Variants in AFDN observed in about 807,000 individuals in gnomAD.
AFDN encodes the protein afadin.
AFDN carries 68 observed loss-of-function variants against 216.6 expected under a neutral mutation model. The observed-to-expected ratio is 0.31, with a 90% CI of 0.26 to 0.38. The LOEUF is 0.38. Among genes scored for constraint, AFDN ranks in the 10% least tolerant of loss-of-function variants. AFDN has a pLI of 1.00. For synonymous variants in AFDN, 868 were observed against 853.7 expected (o/e 1.02, Z -0.29); for missense variants, 2,136 against 2,342.0 (o/e 0.91, Z 1.82).
chr6:167,849,987 G>C (rs1223594124), intron 1 of AFDN, among the ~76,000 whole-genome samples: 1 of 152,024 alleles, frequency 6.6e-6, no homozygotes, highest in Non-Finnish European at 1.5e-5. Context: ...TTTTTCTCAT[G>C]CCTGGTACTA....
At chr6:167,891,408 G>GGTGTGTGTGTGTGTGT (rs71004178) in intron 8 of AFDN, among the ~76,000 whole-genome samples, 2 of 72,094 alleles carry the variant, frequency 2.8e-5, no homozygotes, top group South Asian at 3.4e-4. Flanking sequence ...TAAAGGGGTG[G>GGTGTGTGTGTGTGTGT]GTGTGTGTGT....
chr6:167,952,433 T>C, intron 30 of AFDN: 2 of 985,398 alleles, frequency 2.0e-6, no homozygotes, highest in South Asian at 9.4e-5. Flanking sequence ...ACTTGATTGT[T>C]TTCATTAGCA....
At chr6:167,924,096 T>TA (rs534001758) in intron 22 of AFDN, among the ~76,000 whole-genome samples, 18 of 148,202 alleles carry the variant, frequency 1.2e-4, no homozygotes, top group Admixed American at 2.0e-4. Context: ...GGTTTTGATT[T>TA]AAAAAAAAAA....
Position 167,880,350 on chromosome 6 carries a change from GT to G in AFDN, c.740-4del, listed in dbSNP as rs374729645. On this transcript the variant is annotated splice_polypyrimidine_tract_variant and intron_variant, in intron 5 of 33. Coordinates refer to ENST00000683244, the MANE Select transcript of AFDN (RefSeq NM_001386888.1). ...AAGTTGTACTCAAAGATGTCAAAAT[GT>G]TTTTTCAGGTGGAACATTGAGAATT... 1 of 1,609,092 alleles carries G rather than the reference GT, an allele frequency of 6.2e-7. No individual in the cohort carries two copies. The highest frequency in any genetic ancestry group is 1.7e-5 in the Admixed American group (1 of 59,538).
chr6:167,869,226 G>C (rs1320887217), intron 2 of AFDN, among the ~76,000 whole-genome samples: 1 of 152,116 alleles, frequency 6.6e-6, no homozygotes, highest in Non-Finnish European at 1.5e-5. Flanking sequence ...TAGGGAGTCA[G>C]TGATTTTATT....
intron 23 of AFDN, among the ~76,000 whole-genome samples, chr6:167,939,002 G>C (rs956042548): frequency 3.3e-5 from 5 of 152,170 alleles, no homozygotes; most frequent in African/African-American, 1.2e-4. Flanking sequence ...TTTTAAAAAG[G>C]GAGTTTTGTT....
intron 27 of AFDN, 28 bp from the exon 28 acceptor site, chr6:167,947,824 CT>C (rs35550837): frequency 0.48 from 671,240 of 1,399,416 alleles, 158,497 homozygotes; most frequent in East Asian, 0.79. Flanking sequence ...TAATATTACA[CT>C]TTTTTTTTTC....
chr6:167,849,477 T>C (rs1782061639), intron 1 of AFDN, among the ~76,000 whole-genome samples: 1 of 152,108 alleles, frequency 6.6e-6, no homozygotes, highest in Non-Finnish European at 1.5e-5. Context: ...TTTTGAACAG[T>C]GTAATGTTAT....
chr6:167,952,318 T>C, intron 30 of AFDN, 131 bp downstream of exon 30: 1 of 1,532,442 alleles, frequency 6.5e-7, no homozygotes, highest in Non-Finnish European at 8.7e-7. Flanking sequence ...TACTGTTTTA[T>C]TGTATGTGTT....
At chr6:167,966,253 A>G (rs1445092271) in intron 32 of AFDN, 5 of 1,522,500 alleles carry the variant, frequency 3.3e-6, no homozygotes, top group Non-Finnish European at 4.4e-6. Flanking sequence ...AGCTCCTACC[A>G]TCCCAGCCAC....
chr6:167,875,472 G>A lies in AFDN; in HGVS notation c.716G>A (p.Ser239Asn), dbSNP rs145808139. 5.8e-5 allele frequency: 93 copies of A among 1,613,904 alleles called. 1 individual carries two copies. Among genetic ancestry groups the A allele is most frequent in the Non-Finnish European group, 6.8e-6 (8 of 1,179,894 alleles). Residue 239 changes from serine to asparagine, a missense_variant, in exon 5 of 34, where the codon AGC becomes AAC. Physicochemically the swap from Ser to Asn is conservative, Grantham distance 46. This residue lies in a region of AFDN where 817 missense variants were observed against 965.7 expected (regional missense o/e 0.85). Coordinates refer to ENST00000683244, the MANE Select transcript of AFDN (RefSeq NM_001386888.1). ...GAAAAGAGAATGCAGGAATTTCGGA[G>A]CTCAGATGGGCGGCCTGATTCAGGT... ...KLEKRMQEFR[S>N]SDGRPDSGGT... is the part of the protein sequence containing the mutation.
intron 11 of AFDN, among the ~76,000 whole-genome samples, chr6:167,899,618 TC>T (rs1788695690): frequency 6.6e-6 from 1 of 152,222 alleles, no homozygotes; most frequent in Non-Finnish European, 1.5e-5. Context: ...CATCAGCTTT[TC>T]TTCAGCCCTG....
At chr6:167,847,736 T>C (rs1291151926) in intron 1 of AFDN, among the ~76,000 whole-genome samples, 1 of 152,204 alleles carries the variant, frequency 6.6e-6, no homozygotes, top group Non-Finnish European at 1.5e-5. Flanking sequence ...GTTGTTCCAG[T>C]AACCTCTTAC....
Position 167,948,315 on chromosome 6 carries a change from C to A in AFDN, c.3668C>A (p.Pro1223His). The change falls in exon 29 of 34, where the codon CCT becomes CAT. Residue 1223 changes from proline (P) to histidine (H), a missense_variant. Physicochemically the swap from Pro to His is moderately conservative, Grantham distance 77. Around this residue, in one of 8 missense-constraint regions of AFDN, gnomAD observed 981 missense variants for 966.0 expected, o/e 1.02. Coordinates refer to ENST00000683244, the MANE Select transcript of AFDN (RefSeq NM_001386888.1). ...CAGGAGCAGACGCCTCCGCCTAGACCTGAAGCCTACCCCATCCCCACTCAG... is the reference window on the plus strand; with the variant it reads ...CAGGAGCAGACGCCTCCGCCTAGACATGAAGCCTACCCCATCCCCACTCAG... ...CTEEQTPPPR[P>H]EAYPIPTQTY... is the part of the protein sequence containing the mutation. 4.3e-6 allele frequency: 7 copies of A among 1,613,926 alleles called. No homozygotes were observed. Among genetic ancestry groups the A allele is most frequent in the Non-Finnish European group, 5.9e-6 (7 of 1,179,892 alleles).
intron 1 of AFDN, among the ~76,000 whole-genome samples, chr6:167,832,474 A>T (rs761707858): frequency 2.0e-5 from 3 of 152,206 alleles, no homozygotes; most frequent in Non-Finnish European, 4.4e-5. Context: ...TTGAGATTTT[A>T]TTCTAGCAAC....
chr6:167,835,172 A>G (rs1440588364), intron 1 of AFDN, among the ~76,000 whole-genome samples: 1 of 152,204 alleles, frequency 6.6e-6, no homozygotes, highest in Non-Finnish European at 1.5e-5. Flanking sequence ...CACTGATCTC[A>G]TCAGAAAAAT....
chr6:167,923,783 T>G (rs1013618800), intron 22 of AFDN, among the ~76,000 whole-genome samples: 1 of 151,852 alleles, frequency 6.6e-6, no homozygotes, highest in Non-Finnish European at 1.5e-5. Flanking sequence ...CCACCACACT[T>G]GGCTAATTTT....
chr6:167,936,287 G>GT (rs1793990596), intron 23 of AFDN, among the ~76,000 whole-genome samples: 1 of 152,146 alleles, frequency 6.6e-6, no homozygotes, highest in Admixed American at 6.5e-5. Flanking sequence ...TTCTGTGATT[G>GT]TTTTTGGTTG....
intron 13 of AFDN, among the ~76,000 whole-genome samples, chr6:167,909,984 T>C (rs527715055): frequency 6.6e-6 from 1 of 152,366 alleles, no homozygotes; most frequent in South Asian, 2.1e-4. Flanking sequence ...GTAAATATTG[T>C]ATATAAAATA....
Sources: gnomAD v4.1 joint callset for allele counts (sites outside exome capture counted in the v4.1 genomes callset) on GRCh38, gnomAD v4.1.1 for gene constraint, gnomAD v4.1.1 regional missense constraint, MANE v1.5 for transcripts, NCBI Gene and HGNC (gene_info 2026-07-23, HGNC 2026-07-21) for gene names.